MACROD2: variants seen among roughly 807,000 people sequenced by gnomAD.
The protein encoded by MACROD2 is ADP-ribose glycohydrolase MACROD2.
In MACROD2, 36 loss-of-function variants were observed where a neutral mutation model predicts 70.4. That is an observed-to-expected ratio of 0.51 (90% CI 0.39 to 0.68). The LOEUF is 0.68. MACROD2 is among the 30% of genes least tolerant of loss of function. The pLI is 0.00. For synonymous variants in MACROD2, 172 were observed against 178.8 expected (o/e 0.96, Z 0.30); for missense variants, 496 against 538.4 (o/e 0.92, Z 0.78).
intron 7 of MACROD2, among the ~76,000 whole-genome samples, chr20:15,455,646 C>G (rs1347179707): frequency 2.6e-5 from 4 of 152,080 alleles, no homozygotes; most frequent in African/African-American, 9.6e-5. Flanking sequence ...TCAGGCCTGT[C>G]GAAATCTTTT....
chr20:15,536,206 T>C (rs1424008663), intron 8 of MACROD2, among the ~76,000 whole-genome samples: 1 of 152,180 alleles, frequency 6.6e-6, no homozygotes, highest in Non-Finnish European at 1.5e-5. Flanking sequence ...CAGAACAGTT[T>C]TTGAGCTGGC....
chr20:15,235,794 A>G (rs533572244), intron 6 of MACROD2, among the ~76,000 whole-genome samples: 15 of 152,244 alleles, frequency 9.9e-5, no homozygotes, highest in Admixed American at 2.0e-4. Flanking sequence ...TGACCCTTTC[A>G]TTTGGTACCT....
In MACROD2 at chr20:15,885,749, C is replaced by T; in HGVS notation, c.728-15C>T. The T allele has an allele frequency of 6.8e-7, 1 of 1,466,014 alleles. No homozygotes were observed. Among genetic ancestry groups the T allele is most frequent in the Non-Finnish European group, 9.0e-7 (1 of 1,105,064 alleles). 90.8% of individuals were successfully genotyped at this position (1,466,014 alleles called of 1,614,324 possible). A position where few individuals can be genotyped will look rare whatever the true frequency, so the allele number is the denominator to read the frequency against. On this transcript the variant is annotated splice_polypyrimidine_tract_variant and intron_variant, in intron 9 of 17. Coordinates refer to ENST00000684519, the MANE Select transcript of MACROD2 (RefSeq NM_001351661.2). ...TCATATAAGTATTTCTTTATGTTTT[C>T]CTATTTTTTAACAGACGATAATAAT...
At chr20:15,227,451 C>T (rs535919096) in intron 5 of MACROD2, among the ~76,000 whole-genome samples, 7 of 151,970 alleles carry the variant, frequency 4.6e-5, no homozygotes, top group African/African-American at 1.7e-4. Flanking sequence ...TTTATTACTC[C>T]AGATAAGAGG....
chr20:14,093,026 C>G (rs531046228), intron 3 of MACROD2, among the ~76,000 whole-genome samples: 3 of 152,246 alleles, frequency 2.0e-5, no homozygotes, highest in Non-Finnish European at 2.9e-5. Flanking sequence ...ATGGATTTGT[C>G]TAGTTACTAA....
chr20:15,057,871 C>T (rs1425053514), intron 5 of MACROD2, among the ~76,000 whole-genome samples: 1 of 152,080 alleles, frequency 6.6e-6, no homozygotes, highest in East Asian at 1.9e-4. Context: ...TCTCACTGCC[C>T]CTTACGTTTT....
chr20:14,466,705 G>A (rs959019605), intron 3 of MACROD2, among the ~76,000 whole-genome samples: 17 of 152,022 alleles, frequency 1.1e-4, no homozygotes, highest in African/African-American at 4.1e-4. Flanking sequence ...TGTACAGATG[G>A]GTTTTTGGTG....
At chr20:15,488,310 G>GC (rs1356066468) in intron 7 of MACROD2, among the ~76,000 whole-genome samples, 1 of 152,152 alleles carries the variant, frequency 6.6e-6, no homozygotes, top group African/African-American at 2.4e-5. Context: ...ATGCTAGGCA[G>GC]CCTCCTAGGA....
rs920085511 is a variant in MACROD2, at chr20:14,089,541, A to G, written c.271+3813A>G. 5.1e-4 allele frequency among the ~76,000 whole-genome samples: 77 copies of G among 152,196 alleles called. 1 individual carries two copies. The highest frequency in any genetic ancestry group is 5.0e-3 in the Admixed American group (77 of 15,276). ...TTCATATTTTAAACTTATTTCTAAT[A>G]AAGTGTTTTTTGAACTACCTTAACC... On this transcript the variant is annotated intron_variant, in intron 3 of 17. Coordinates refer to ENST00000684519, the MANE Select transcript of MACROD2 (RefSeq NM_001351661.2).
intron 6 of MACROD2, among the ~76,000 whole-genome samples, chr20:15,376,932 C>A (rs2045570619): frequency 6.6e-6 from 1 of 152,006 alleles, no homozygotes; most frequent in Non-Finnish European, 1.5e-5. Flanking sequence ...ACTCTGTCGC[C>A]CAGGCTGGAG....
chr20:14,282,279 A>T (rs535529454), intron 3 of MACROD2, among the ~76,000 whole-genome samples: 2 of 152,322 alleles, frequency 1.3e-5, no homozygotes, highest in South Asian at 4.1e-4. Context: ...TTGTTGTGTG[A>T]TGATTCTTAA....
intron 10 of MACROD2, among the ~76,000 whole-genome samples, chr20:15,913,553 A>T (rs186667405): frequency 1.3e-4 from 20 of 152,332 alleles, no homozygotes; most frequent in Admixed American, 9.8e-4. Context: ...AAAGAAATTT[A>T]AAAAACCAGT....
At chr20:15,740,389 T>G (rs965627633) in intron 8 of MACROD2, among the ~76,000 whole-genome samples, 1 of 152,150 alleles carries the variant, frequency 6.6e-6, no homozygotes, top group African/African-American at 2.4e-5. Flanking sequence ...GTCAAATTAA[T>G]TCCCTGCAGA....
intron 6 of MACROD2, among the ~76,000 whole-genome samples, chr20:15,344,618 C>T (rs909532462): frequency 1.3e-5 from 2 of 152,060 alleles, no homozygotes; most frequent in Non-Finnish European, 2.9e-5. Flanking sequence ...CCTGTTTGTG[C>T]TAACCAGACT....
rs113138757 is a variant in MACROD2, at chr20:15,540,468, G to C, written c.645+40621G>C. Among the ~76,000 whole-genome samples, 3 of 152,240 alleles carry C rather than the reference G, an allele frequency of 2.0e-5. No homozygotes were observed. The East Asian group carries it at 5.8e-4, about 29-fold the overall frequency. On this transcript the variant is annotated intron_variant, in intron 8 of 17. Transcript: ENST00000684519. The stretch of plus-strand genomic sequence containing the variant: ...GAGACTCTTGTAGCAATTCAAATGA[G>C]AATACTGAACACTGAACCAAGGACA...
intron 3 of MACROD2, among the ~76,000 whole-genome samples, chr20:14,487,185 C>T (rs1734075169): frequency 6.6e-6 from 1 of 152,208 alleles, no homozygotes; most frequent in Non-Finnish European, 1.5e-5. Flanking sequence ...AGGAATGACA[C>T]TGTAAATCAG....
In MACROD2 at chr20:15,345,753, T is replaced by C. The variant is rs891076563; in HGVS notation, c.541-85652T>C. On this transcript the variant is annotated intron_variant, in intron 6 of 17. Transcript: ENST00000684519. ...AGCTAGTGGCCATTGTACTGGAAGG[T>C]GCAGTCCTGGCTGATCCACAGCGCC... Among the ~76,000 whole-genome samples the C allele has an allele frequency of 1.2e-4, 19 of 152,316 alleles. 1 individual carries two copies. The South Asian group carries it at 3.7e-3, about 30-fold the overall frequency.
chr20:14,979,847 C>CA, intron 5 of MACROD2, among the ~76,000 whole-genome samples: 1 of 152,110 alleles, frequency 6.6e-6, no homozygotes, highest in African/African-American at 2.4e-5. Flanking sequence ...TGAGTTTTGC[C>CA]TTTGTCACTA....
intron 15 of MACROD2, among the ~76,000 whole-genome samples, chr20:15,998,765 C>T (rs559444313): frequency 3.3e-5 from 5 of 151,700 alleles, no homozygotes; most frequent in South Asian, 4.2e-4. Context: ...AGGGTTTCAC[C>T]GTGTTAGCCA....
Sources: allele counts gnomAD v4.1 joint callset (sites outside exome capture counted in the v4.1 genomes callset), GRCh38; gene constraint gnomAD v4.1.1; transcripts MANE v1.5; gene names NCBI Gene and HGNC (gene_info 2026-07-23, HGNC 2026-07-21).